Variants in TRIM24 observed in about 807,000 individuals in gnomAD.
TRIM24 encodes the protein tripartite motif containing 24.
TRIM24 carries 29 observed loss-of-function variants against 123.9 expected under a neutral mutation model. The ratio of observed to expected loss-of-function variants is 0.23; its 90% CI spans 0.17 to 0.32. The LOEUF is 0.32. TRIM24 is among the 10% of genes least tolerant of loss of function. The pLI is 1.00. For missense variants in TRIM24, 932 were observed against 1,295.3 expected, an observed-to-expected ratio of 0.72 and a Z score of 4.31; for synonymous variants, 456 against 461.1, an observed-to-expected ratio of 0.99 and a Z score of 0.14.
In TRIM24 at chr7:138,545,339, G is replaced by C. The variant is rs541853110; in HGVS notation, c.1144-5724G>C. ...AAGCTGGCAGCCACGGATGTGAAGT[G>C]GTGAGGGAGGAATACGGAAGTGGTA... On this transcript the variant is annotated intron_variant, in intron 7 of 18. Coordinates refer to ENST00000343526, the MANE Select transcript of TRIM24 (RefSeq NM_015905.3). 3.2e-4 allele frequency: 144 copies of C among 444,090 alleles called. 2 individuals are homozygous for C. The Middle Eastern group carries it at 4.6e-3, about 14-fold the overall frequency. The allele number at this position is 444,090 out of a possible 1,614,324, so 27.5% of individuals were successfully genotyped here. A position where few individuals can be genotyped will look rare whatever the true frequency, so the allele number is the denominator to read the frequency against.
chr7:138,586,918 A>T lies in TRIM24; in HGVS notation c.*1967A>T, dbSNP rs1774664884. ...AACTATAATTTCCTAAATGTGACTA[A>T]TGAACCCCAAACTGTCACTATTACA... On this transcript the variant is annotated 3_prime_UTR_variant, in exon 19 of 19. Transcript: ENST00000343526. 1 of 152,238 alleles carries T rather than the reference A, an allele frequency of 6.6e-6. No individual in the cohort carries two copies. The highest frequency in any genetic ancestry group is 2.1e-4 in the South Asian group (1 of 4,830). 9.4% of individuals were successfully genotyped at this position (152,238 alleles called of 1,614,324 possible).
At chr7:138,576,067 T>TAGAG (rs1261177912) in intron 12 of TRIM24, among the ~76,000 whole-genome samples, 2 of 152,070 alleles carry the variant, frequency 1.3e-5, no homozygotes, top group Admixed American at 1.3e-4. Flanking sequence ...CTGGGAAGTA[T>TAGAG]AGAGAGATGC....
At chr7:138,530,884 T>G (rs1796717645) in intron 6 of TRIM24, among the ~76,000 whole-genome samples, 1 of 152,092 alleles carries the variant, frequency 6.6e-6, no homozygotes, top group Admixed American at 6.6e-5. Flanking sequence ...CCCAGTCTCC[T>G]GAGTAGCTGT....
At chr7:138,545,589 T>C in intron 7 of TRIM24, 1 of 453,900 alleles carries the variant, frequency 2.2e-6, no homozygotes. Context: ...GATCTAGCAA[T>C]AATTATAGAT....
At chr7:138,492,847 A>G (rs968267719) in intron 1 of TRIM24, among the ~76,000 whole-genome samples, 1 of 152,164 alleles carries the variant, frequency 6.6e-6, no homozygotes, top group African/African-American at 2.4e-5. Context: ...TAATTATTCC[A>G]TATGTTTTTT....
intron 2 of TRIM24, among the ~76,000 whole-genome samples, chr7:138,511,304 C>CTT (rs760269729): frequency 6.7e-4 from 94 of 140,976 alleles, no homozygotes; most frequent in Middle Eastern, 3.7e-3. Context: ...TTCTTTCTTT[C>CTT]TTTTTTTTTT....
At chr7:138,510,470 G>A (rs1486410913) in intron 2 of TRIM24, among the ~76,000 whole-genome samples, 1 of 152,162 alleles carries the variant, frequency 6.6e-6, no homozygotes, top group Non-Finnish European at 1.5e-5. Flanking sequence ...TGCCCAGGCT[G>A]GAATGCAGTG....
At chr7:138,510,684 A>C (rs1437130876) in intron 2 of TRIM24, among the ~76,000 whole-genome samples, 1 of 152,188 alleles carries the variant, frequency 6.6e-6, no homozygotes, top group East Asian at 1.9e-4. Context: ...GGCCTCCCAA[A>C]GTGCTAAGAT....
intron 4 of TRIM24, 57 bp from the exon 5 acceptor site, chr7:138,525,184 C>A: frequency 2.6e-6 from 2 of 782,712 alleles, no homozygotes; most frequent in Non-Finnish European, 3.9e-6. Context: ...TTTTTTTATT[C>A]TTGGACTTTT....
intron 1 of TRIM24, among the ~76,000 whole-genome samples, chr7:138,494,117 G>A (rs1795853121): frequency 6.6e-6 from 1 of 151,944 alleles, no homozygotes; most frequent in African/African-American, 2.4e-5. Flanking sequence ...AAGTAGCTGG[G>A]ATTACAGGCA....
chr7:138,548,250 T>C (rs1320518888), intron 7 of TRIM24, among the ~76,000 whole-genome samples: 1 of 152,182 alleles, frequency 6.6e-6, no homozygotes, highest in African/African-American at 2.4e-5. Flanking sequence ...CTGTACTGAA[T>C]ACTGTAGGCA....
At chr7:138,491,055 A>T in intron 1 of TRIM24, 1 of 256,398 alleles carries the variant, frequency 3.9e-6, no homozygotes. Context: ...TTTGTCCTGG[A>T]GTAAGACCCA....
intron 1 of TRIM24, 48 bp downstream of exon 1, chr7:138,460,960 G>C (rs1419009592): frequency 1.5e-6 from 2 of 1,360,468 alleles, no homozygotes; most frequent in African/African-American, 1.5e-5. Flanking sequence ...AGGGCCAGGA[G>C]GGGGCGGGCG....
At chr7:138,505,509 G>GGTTGTTGTTGTTGTTGTTGTT (rs59585473) in intron 2 of TRIM24, among the ~76,000 whole-genome samples, 2 of 143,820 alleles carry the variant, frequency 1.4e-5, no homozygotes, top group Non-Finnish European at 3.0e-5. Context: ...TGGGGGTGGT[G>GGTTGTTGTTGTTGTTGTTGTT]GTTGTTGTTG....
intron 1 of TRIM24, among the ~76,000 whole-genome samples, chr7:138,503,676 G>T (rs1366714197): frequency 6.6e-6 from 1 of 150,894 alleles, no homozygotes; most frequent in East Asian, 1.9e-4. Context: ...TGCACAACGT[G>T]CAGGTTTGTT....
At chr7:138,574,067 T>A (rs185913358) in intron 12 of TRIM24, among the ~76,000 whole-genome samples, 4 of 152,368 alleles carry the variant, frequency 2.6e-5, no homozygotes, top group Non-Finnish European at 1.5e-5. Flanking sequence ...GCCATCATAC[T>A]AGGCCTTCTT....
intron 10 of TRIM24, among the ~76,000 whole-genome samples, chr7:138,568,379 CTTTTTTTTTTT>C (rs60386130): frequency 3.3e-4 from 23 of 68,704 alleles, no homozygotes; most frequent in Admixed American, 1.8e-3. Flanking sequence ...ACCTGGCCTC[CTTTTTTTTTTT>C]TTTTTTTTTT....
intron 1 of TRIM24, among the ~76,000 whole-genome samples, chr7:138,467,422 A>G (rs1158089940): frequency 6.6e-6 from 1 of 152,022 alleles, no homozygotes; most frequent in Non-Finnish European, 1.5e-5. Flanking sequence ...GCTCACTGCA[A>G]CCTCCGCCTC....
At chr7:138,557,958 TTCA>T (rs1397979849) in intron 9 of TRIM24, among the ~76,000 whole-genome samples, 2 of 152,168 alleles carry the variant, frequency 1.3e-5, no homozygotes, top group Non-Finnish European at 2.9e-5. Context: ...CAGGGGGCCA[TTCA>T]TCATCTTTCT....
Sources: gnomAD v4.1 joint callset for allele counts (sites outside exome capture counted in the v4.1 genomes callset) on GRCh38, gnomAD v4.1.1 for gene constraint, MANE v1.5 for transcripts, NCBI Gene and HGNC (gene_info 2026-07-23, HGNC 2026-07-21) for gene names.